CETP: variants seen among roughly 807,000 people sequenced by gnomAD.
CETP encodes cholesteryl ester transfer protein.
CETP carries 56 observed loss-of-function variants against 66.5 expected under a neutral mutation model. The ratio of observed to expected loss-of-function variants is 0.84; its 90% CI spans 0.68 to 1.05. The LOEUF is 1.05. Ranked by LOEUF, CETP falls within the 50% of genes least tolerant of loss-of-function variation. The pLI is 0.00. For synonymous variants in CETP, 251 were observed against 245.7 expected (o/e 1.02, Z -0.20); for missense variants, 612 against 609.6 (o/e 1.00, Z -0.04).
chr16:56,970,033 G>A (rs1462982527), intron 5 of CETP, 32 bp downstream of exon 5: 3 of 1,596,382 alleles, frequency 1.9e-6, no homozygotes, highest in Non-Finnish European at 2.6e-6. Context: ...CCCCATTCCT[G>A]CTCGTGCCCA....
intron 12 of CETP, 56 bp downstream of exon 12, chr16:56,981,281 C>T: frequency 2.1e-6 from 3 of 1,403,482 alleles, no homozygotes; most frequent in South Asian, 2.3e-5. Context: ...CTCCCTGGCC[C>T]CTTGGAGTCA....
rs200031544 is a variant in CETP, at chr16:56,978,263, G to A, written c.1146+8G>A. 75 of 1,613,890 alleles carry A rather than the reference G, an allele frequency of 4.6e-5. 1 individual carries two copies. The South Asian group carries it at 6.7e-4, about 14-fold the overall frequency. ...GCTTACACATTTGAAGAGGTGAGGC[G>A]GGTGCAGGGAGAGGTGGTGGTGGGG... is the stretch of plus-strand genomic sequence containing the variant. On this transcript the variant is annotated splice_region_variant and intron_variant, in intron 11 of 15. Coordinates refer to ENST00000200676, the MANE Select transcript of CETP (RefSeq NM_000078.3).
At position 56,969,606 on chromosome 16, in the gene CETP, T is replaced by C. The variant is rs777589235; in HGVS notation, c.369-5T>C. 1.4e-5 allele frequency: 22 copies of C among 1,614,092 alleles called. 1 individual carries two copies. The South Asian group carries it at 2.1e-4, about 15-fold the overall frequency. ...TGAGGGTCCTGGGTCCTTGGCTCTTTCCAGGCTGGGTATTGATCAGTCCAT... is the reference window on the plus strand; with the variant it reads ...TGAGGGTCCTGGGTCCTTGGCTCTTCCCAGGCTGGGTATTGATCAGTCCAT... On this transcript the variant is annotated splice_region_variant and splice_polypyrimidine_tract_variant and intron_variant, in intron 3 of 15. Coordinates refer to ENST00000200676, the MANE Select transcript of CETP (RefSeq NM_000078.3).
chr16:56,977,417 C>T (rs2056157481), intron 10 of CETP, among the ~76,000 whole-genome samples: 2 of 152,236 alleles, frequency 1.3e-5, no homozygotes, highest in East Asian at 1.9e-4. Context: ...GGGCTCTTGT[C>T]CACACTGTCC....
intron 5 of CETP, 56 bp from the exon 6 acceptor site, chr16:56,970,977 G>T (rs7205804): frequency 5.2e-6 from 8 of 1,535,890 alleles, no homozygotes; most frequent in Non-Finnish European, 7.2e-6. Context: ...CACACTAGGC[G>T]CTCCATGGAT....
At chr16:56,974,182 G>A (rs1455560128) in intron 9 of CETP, among the ~76,000 whole-genome samples, 2 of 152,152 alleles carry the variant, frequency 1.3e-5, no homozygotes, top group African/African-American at 4.8e-5. Flanking sequence ...AACAATATGA[G>A]AGGGTCTGTC....
intron 1 of CETP, 61 bp from the exon 2 acceptor site, chr16:56,962,949 G>A: frequency 6.9e-7 from 1 of 1,451,924 alleles, no homozygotes; most frequent in South Asian, 1.1e-5. Flanking sequence ...GGCCAGTTGG[G>A]GGTGGGAGCA....
intron 8 of CETP, among the ~76,000 whole-genome samples, chr16:56,972,401 G>C (rs1029571061): frequency 6.6e-6 from 1 of 152,214 alleles, no homozygotes; most frequent in African/African-American, 2.4e-5. Context: ...CCCCCCAGGG[G>C]GTACTGACAA....
chr16:56,962,924 C>A, intron 1 of CETP, 86 bp from the exon 2 acceptor site: 1 of 1,177,588 alleles, frequency 8.5e-7, no homozygotes. Flanking sequence ...CTCAGAGAGG[C>A]TGAGTCATGG....
intron 2 of CETP, among the ~76,000 whole-genome samples, 175 bp from the exon 3 acceptor site, chr16:56,969,211 T>C (rs2056089715): frequency 1.3e-5 from 2 of 152,012 alleles, no homozygotes; most frequent in South Asian, 4.1e-4. Flanking sequence ...ACGAGTTGAG[T>C]GTGGTACCCA....
chr16:56,962,371 G>A, intron 1 of CETP: 1 of 683,428 alleles, frequency 1.5e-6, no homozygotes, highest in Non-Finnish European at 2.7e-6. Context: ...GAATCACTGG[G>A]GTTCGAGTTA....
intron 2 of CETP, among the ~76,000 whole-genome samples, chr16:56,966,567 G>GA (rs2056067901): frequency 1.3e-5 from 2 of 151,910 alleles, no homozygotes; most frequent in African/African-American, 4.8e-5. Flanking sequence ...GCCCGGCTGG[G>GA]TTTTTTTGTT....
Position 56,973,582 on chromosome 16 carries a change from G to A in CETP, c.930+72G>A. 2.6e-6 allele frequency: 4 copies of A among 1,539,802 alleles called. No individual in the cohort carries two copies. In the Admixed American group the frequency reaches 5.3e-5, roughly 20 times the overall value. On this transcript the variant is annotated intron_variant, in intron 9 of 15. Coordinates refer to ENST00000200676, the MANE Select transcript of CETP (RefSeq NM_000078.3). The stretch of plus-strand genomic sequence containing the variant: ...TATGTGTGTGTGTGCACACGCATGG[G>A]GAGGAGGGAGGAAACTCGGAAACTT...
chr16:56,977,322 G>T (rs761217943), intron 10 of CETP, among the ~76,000 whole-genome samples: 5 of 152,170 alleles, frequency 3.3e-5, no homozygotes, highest in Non-Finnish European at 7.4e-5. Flanking sequence ...CAGTCCCACA[G>T]GCTGTAATCG....
At chr16:56,976,156 T>C (rs2056148587) in intron 10 of CETP, among the ~76,000 whole-genome samples, 1 of 152,144 alleles carries the variant, frequency 6.6e-6, no homozygotes, top group African/African-American at 2.4e-5. Context: ...CTCTACCTCC[T>C]CCCCAGGCTA....
At chr16:56,971,402 A>G (rs370088702) in intron 7 of CETP, 21 bp downstream of exon 7, 2 of 1,610,578 alleles carry the variant, frequency 1.2e-6, no homozygotes, top group South Asian at 1.1e-5. Flanking sequence ...TTCTGTCTGC[A>G]TGCCTCAGAA....
Position 56,982,148 on chromosome 16 carries a change from G to T in CETP, c.1249-17G>T. The T allele has an allele frequency of 6.2e-7, 1 of 1,613,468 alleles. No homozygotes were observed. Among genetic ancestry groups the T allele is most frequent in the Non-Finnish European group, 8.5e-7 (1 of 1,179,420 alleles). On this transcript the variant is annotated splice_polypyrimidine_tract_variant and intron_variant, in intron 13 of 15. Transcript: ENST00000200676. ...CTGTGCTCCAGGGAGGACTCACCAT[G>T]GGCATTTGATTGGCAGAGCAGCTCC...
intron 1 of CETP, 77 bp from the exon 2 acceptor site, chr16:56,962,933 G>A: frequency 2.3e-6 from 3 of 1,317,622 alleles, no homozygotes; most frequent in East Asian, 2.3e-5. Flanking sequence ...GCTGAGTCAT[G>A]GCCAAGGCCA....
At chr16:56,981,098 G>A (rs2056183781) in intron 11 of CETP, 60 bp from the exon 12 acceptor site, 1 of 1,241,538 alleles carries the variant, frequency 8.1e-7, no homozygotes, top group African/African-American at 1.5e-5. Context: ...TGAGCTAGGA[G>A]GGTTGCTCTC....
Sources: allele counts gnomAD v4.1 joint callset (sites outside exome capture counted in the v4.1 genomes callset), GRCh38; gene constraint gnomAD v4.1.1; transcripts MANE v1.5; gene names NCBI Gene and HGNC (gene_info 2026-07-23, HGNC 2026-07-21).